Variants in PCDHGA7 observed in about 807,000 individuals in gnomAD.
The protein encoded by PCDHGA7 is protocadherin gamma subfamily A, 7.
Under a neutral mutation model 58.3 loss-of-function variants are expected in PCDHGA7, and 44 were observed. That is an observed-to-expected ratio of 0.75 (90% CI 0.59 to 0.97). PCDHGA7 has a LOEUF of 0.97. PCDHGA7 is among the 50% of genes least tolerant of loss of function. The pLI is 0.00. For missense variants in PCDHGA7, 1,266 were observed against 1,188.7 expected (o/e 1.06, Z -0.96); for synonymous variants, 516 against 504.2 (o/e 1.02, Z -0.31).
In PCDHGA7 at chr5:141,489,584, A is replaced by G. The variant is rs775720718; in HGVS notation, c.2425-5223A>G. Reference sequence around the variant, plus strand: ...CAGGTGGTGACTGAACACCCCCTGGAGCTAATCCGTGTAGAGGTAGAGATC... The same window carrying G: ...CAGGTGGTGACTGAACACCCCCTGGGGCTAATCCGTGTAGAGGTAGAGATC... On this transcript the variant is annotated intron_variant, in intron 1 of 3. Coordinates refer to ENST00000518325, the MANE Select transcript of PCDHGA7 (RefSeq NM_018920.4). The surrounding 1 kb of genome is among the most constrained non-coding windows in gnomAD (Gnocchi z 4.5). The G allele has an allele frequency of 6.2e-7, 1 of 1,614,054 alleles. No homozygotes were observed. Among genetic ancestry groups the G allele is most frequent in the South Asian group, 1.1e-5 (1 of 91,078 alleles).
chr5:141,454,693 A>G (rs951819293), intron 1 of PCDHGA7, among the ~76,000 whole-genome samples: 1 of 151,738 alleles, frequency 6.6e-6, no homozygotes, highest in Non-Finnish European at 1.5e-5. Context: ...GGCATGAGCC[A>G]CCATGCTCCA....
intron 1 of PCDHGA7, among the ~76,000 whole-genome samples, chr5:141,472,908 C>T (rs1369506606): frequency 1.3e-5 from 2 of 149,744 alleles, no homozygotes; most frequent in African/African-American, 2.5e-5. Context: ...ATTGCTTGAA[C>T]CCAAGAGGAG....
chr5:141,393,744 G>A lies in PCDHGA7; in HGVS notation c.2424+8421G>A, dbSNP rs770821376. The A allele has an allele frequency of 2.0e-5, 32 of 1,613,750 alleles. No individual in the cohort carries two copies. The highest frequency in any genetic ancestry group is 2.7e-5 in the Non-Finnish European group (32 of 1,179,884). On this transcript the variant is annotated intron_variant, in intron 1 of 3. Coordinates refer to ENST00000518325, the MANE Select transcript of PCDHGA7 (RefSeq NM_018920.4). ...AATAGCAAAAAGTCTAGATTATGAAGAATGTTCATTTTATGAAATGGAAAT... is the reference window on the plus strand; with the variant it reads ...AATAGCAAAAAGTCTAGATTATGAAAAATGTTCATTTTATGAAATGGAAAT...
At chr5:141,444,626 A>G (rs542390437) in intron 1 of PCDHGA7, among the ~76,000 whole-genome samples, 74 of 152,288 alleles carry the variant, frequency 4.9e-4, no homozygotes, top group African/African-American at 1.7e-3. Flanking sequence ...GGCATGATGC[A>G]CCAGTTCATT....
At chr5:141,508,242 GC>G (rs1344624071) in intron 3 of PCDHGA7, 1 of 152,310 alleles carries the variant, frequency 6.6e-6, no homozygotes, top group African/African-American at 2.4e-5. Context: ...TCCTAAGTCT[GC>G]CTCTCCTGGG....
At chr5:141,419,084 G>A in intron 1 of PCDHGA7, 2 of 1,613,920 alleles carry the variant, frequency 1.2e-6, no homozygotes, top group Non-Finnish European at 1.7e-6. Flanking sequence ...AACAGATGAG[G>A]CCCTGGATCG....
intron 1 of PCDHGA7, among the ~76,000 whole-genome samples, chr5:141,450,564 G>A (rs1397334260): frequency 2.0e-5 from 3 of 151,932 alleles, no homozygotes; most frequent in African/African-American, 7.3e-5. Context: ...TCGGCTCACT[G>A]CAACTTCTGC....
At chr5:141,388,814 C>A in intron 1 of PCDHGA7, 1 of 1,613,826 alleles carries the variant, frequency 6.2e-7, no homozygotes, top group Non-Finnish European at 8.5e-7. Context: ...TTGAAGAAGT[C>A]AAAGAATATT....
intron 1 of PCDHGA7, chr5:141,423,757 G>A: frequency 5.1e-6 from 2 of 395,134 alleles, no homozygotes; most frequent in Non-Finnish European, 7.1e-6. Flanking sequence ...GTTTGGGGGG[G>A]GGGTGGGGCG....
At chr5:141,440,431 A>G (rs1338519888) in intron 1 of PCDHGA7, 1 of 152,222 alleles carries the variant, frequency 6.6e-6, no homozygotes, top group Non-Finnish European at 1.5e-5. Flanking sequence ...TGGGTGACAG[A>G]GCAAGGCGCC....
rs756993242 is a variant in PCDHGA7 at position 141,432,265 on chromosome 5, G to T, written c.2424+46942G>T. 2.5e-6 allele frequency: 4 copies of T among 1,614,210 alleles called. No homozygotes were observed. The South Asian group carries it at 3.3e-5, about 13-fold the overall frequency. ...ACACCATCCAAGGGGCAAGCCTATC[G>T]TCCTACGTGTCCATCAACTCCGACA... On this transcript the variant is annotated intron_variant, in intron 1 of 3. Coordinates refer to ENST00000518325, the MANE Select transcript of PCDHGA7 (RefSeq NM_018920.4). This position sits in a 1 kb window ranked among gnomAD's most constrained non-coding sequence, Gnocchi z 6.0.
At chr5:141,413,870 T>A (rs2095687151) in intron 1 of PCDHGA7, 1 of 1,613,268 alleles carries the variant, frequency 6.2e-7, no homozygotes, top group Admixed American at 1.7e-5. Context: ...ACTGTCCTTG[T>A]CAGTGTGACT....
intron 1 of PCDHGA7, chr5:141,428,388 C>G (rs1299321513): frequency 4.0e-6 from 2 of 506,160 alleles, no homozygotes; most frequent in Non-Finnish European, 7.3e-6. Context: ...GCTCTTCCAG[C>G]CCCTCTGCCT....
intron 1 of PCDHGA7, among the ~76,000 whole-genome samples, chr5:141,449,616 G>A (rs1279953840): frequency 1.6e-4 from 24 of 146,738 alleles, no homozygotes; most frequent in Non-Finnish European, 2.3e-4. Flanking sequence ...AAGTAAAAAA[G>A]TTTTTTAAAA....
chr5:141,473,262 G>T (rs905961411), intron 1 of PCDHGA7, among the ~76,000 whole-genome samples: 2 of 152,188 alleles, frequency 1.3e-5, no homozygotes, highest in Admixed American at 6.5e-5. Flanking sequence ...AGTCCTTAGT[G>T]TATGCTATGA....
At chr5:141,394,743 G>A (rs928437652) in intron 1 of PCDHGA7, 4 of 1,613,314 alleles carry the variant, frequency 2.5e-6, no homozygotes, top group Non-Finnish European at 3.4e-6. Flanking sequence ...GAGCCTCGTG[G>A]TGGCCGTCCA....
rs1457243337 is a variant in PCDHGA7 at position 141,493,567 on chromosome 5, C to T, written c.2425-1240C>T. Reference sequence around the variant, plus strand: ...TTTGGAGATTGAGTTCCCCCAGCTCCGTTTCCTCCTATCACAATCACTGCA... The same window carrying T: ...TTTGGAGATTGAGTTCCCCCAGCTCTGTTTCCTCCTATCACAATCACTGCA... On this transcript the variant is annotated intron_variant, in intron 1 of 3. Transcript: ENST00000518325. This position sits in a 1 kb window ranked among gnomAD's most constrained non-coding sequence, Gnocchi z 4.3. Among the ~76,000 whole-genome samples, 3 of 152,266 alleles carry T rather than the reference C, an allele frequency of 2.0e-5. No individual in the cohort carries two copies. The highest frequency in any genetic ancestry group is 4.4e-5 in the Non-Finnish European group (3 of 68,018).
At chr5:141,386,203 G>A (rs2090496623) in intron 1 of PCDHGA7, among the ~76,000 whole-genome samples, 1 of 152,140 alleles carries the variant, frequency 6.6e-6, no homozygotes, top group Non-Finnish European at 1.5e-5. Flanking sequence ...TAGACCAGTA[G>A]TTGATTTTAT....
In PCDHGA7 at chr5:141,489,180, CTGGGTCTACCT is replaced by C. The variant is rs906371381; in HGVS notation, c.2425-5623_2425-5613del. 6.3e-5 allele frequency: 79 copies of C among 1,259,748 alleles called. No individual in the cohort carries two copies. The African/African-American group carries it at 9.3e-4, about 15-fold the overall frequency. 78.0% of individuals were successfully genotyped at this position (1,259,748 alleles called of 1,614,324 possible). ...GACTTCAGCTGCTGCATTCCAAGCCCTGGGTCTACCTTGGAGACAGGACAGCACAGACTTAC... is the reference window on the plus strand; with the variant it reads ...GACTTCAGCTGCTGCATTCCAAGCCCTGGAGACAGGACAGCACAGACTTAC... On this transcript the variant is annotated intron_variant, in intron 1 of 3. Coordinates refer to ENST00000518325, the MANE Select transcript of PCDHGA7 (RefSeq NM_018920.4). This position sits in a 1 kb window ranked among gnomAD's most constrained non-coding sequence, Gnocchi z 4.5.
Sources: gnomAD v4.1 joint callset for allele counts (sites outside exome capture counted in the v4.1 genomes callset) on GRCh38, gnomAD v4.1.1 for gene constraint, Gnocchi (gnomAD v3.1) non-coding constraint, MANE v1.5 for transcripts, NCBI Gene and HGNC (gene_info 2026-07-23, HGNC 2026-07-21) for gene names.